Variants in CROCC2 observed in about 807,000 individuals in gnomAD.
The protein encoded by CROCC2 is ciliary rootlet coiled-coil protein 2.
Under a neutral mutation model 177.6 loss-of-function variants are expected in CROCC2, and 163 were observed. The observed-to-expected ratio is 0.92, with a 90% confidence interval of 0.81 to 1.05. The LOEUF is 1.05. Ranked by LOEUF, CROCC2 falls within the 50% of genes least tolerant of loss-of-function variation. The pLI, the probability that CROCC2 is intolerant of heterozygous loss-of-function variation, is 0.00. For synonymous variants in CROCC2, 904 were observed against 787.3 expected (o/e 1.15, Z -2.48); for missense variants, 1,929 against 1,797.8 (o/e 1.07, Z -1.32).
Position 240,917,568 on chromosome 2 carries a change from A to G in CROCC2, c.79-1158A>G, listed in dbSNP as rs1280015634. 6.6e-6 allele frequency among the ~76,000 whole-genome samples: 1 copy of G among 152,076 alleles called. No homozygotes were observed. ...TCAGGAGGAAAATCCAGGAGGCACA[A>G]GGTGGGGGAGCTGCCCTGCGGACCC... is the stretch of plus-strand genomic sequence containing the variant. On this transcript the variant is annotated intron_variant, in intron 1 of 31. Coordinates refer to ENST00000690015, the MANE Select transcript of CROCC2 (RefSeq NM_001351305.2). This position sits in a 1 kb window ranked among gnomAD's most constrained non-coding sequence, Gnocchi z 4.9.
chr2:240,933,950 T>A, intron 11 of CROCC2, 98 bp downstream of exon 11: 1 of 1,295,440 alleles, frequency 7.7e-7, no homozygotes, highest in South Asian at 1.4e-5. Context: ...GTCTGCTTTT[T>A]CACCTGTCTC....
Position 240,949,133 on chromosome 2 carries a change from A to G in CROCC2, c.2482+36A>G. 1 of 1,493,020 alleles carries G rather than the reference A, an allele frequency of 6.7e-7. No individual in the cohort carries two copies. The highest frequency in any genetic ancestry group is 8.9e-7 in the Non-Finnish European group (1 of 1,122,916). The allele number at this position is 1,493,020 out of a possible 1,614,324, so 92.5% of individuals were successfully genotyped here. On this transcript the variant is annotated intron_variant, in intron 16 of 31. Coordinates refer to ENST00000690015, the MANE Select transcript of CROCC2 (RefSeq NM_001351305.2). This position sits in a 1 kb window ranked among gnomAD's most constrained non-coding sequence, Gnocchi z 4.5. ...GGCGCTCCCTCAGCTCCTTCCCCGAAAGTCAGCCATGGAGGGGCCCCTGGA... is the reference window on the plus strand; with the variant it reads ...GGCGCTCCCTCAGCTCCTTCCCCGAGAGTCAGCCATGGAGGGGCCCCTGGA...
At chr2:240,939,134 A>G (rs537772787) in intron 14 of CROCC2, among the ~76,000 whole-genome samples, 1 of 152,266 alleles carries the variant, frequency 6.6e-6, no homozygotes, top group South Asian at 2.1e-4. Flanking sequence ...TGTTATCTGT[A>G]GGCTTTTCAT....
rs1370089775 is a variant in CROCC2 at position 240,959,352 on chromosome 2, G to A, written c.2995G>A (p.Glu999Lys). The A allele has an allele frequency of 5.2e-6, 8 of 1,550,504 alleles. No homozygotes were observed. The Admixed American group carries it at 1.6e-4, about 30-fold the overall frequency. The change falls in exon 20 of 32, where the codon GAG (glutamate) becomes AAG (lysine). Residue 999 changes from glutamate (E) to lysine (K), a missense_variant. By Grantham distance (56) the Glu-to-Lys change is moderately conservative (BLOSUM62 1). Coordinates refer to ENST00000690015, the MANE Select transcript of CROCC2 (RefSeq NM_001351305.2). ...GCTGAAGGCCCTCCAGGCCCAGTTT[G>A]AGGATGCCATCACAGCCCATCAGAG... Reference protein sequence around the residue: ...EELKALQAQFEDAITAHQRET... With the variant: ...EELKALQAQFKDAITAHQRET...
chr2:240,961,965 C>T (rs1438834974), intron 20 of CROCC2, among the ~76,000 whole-genome samples: 4 of 149,936 alleles, frequency 2.7e-5, no homozygotes, highest in South Asian at 2.2e-4. Flanking sequence ...ATGCACACCA[C>T]GTACAGAGAG....
At chr2:240,906,723 C>T (rs4076342) in intron 1 of CROCC2, 132 bp downstream of exon 1, 168,902 of 396,926 alleles carry the variant, frequency 0.43, 37,320 homozygotes, top group Admixed American at 0.48. Flanking sequence ...CACTTGCTCA[C>T]GTGTTTGCCT....
In CROCC2 at chr2:240,964,562, C is replaced by T. The variant is rs2059664460; in HGVS notation, c.3402C>T (p.His1134=). The T allele has an allele frequency of 3.9e-6, 6 of 1,549,492 alleles. 1 individual carries two copies. In the Admixed American group the frequency reaches 1.2e-4, roughly 30 times the overall value. Residue 1134 remains histidine (H), a synonymous_variant, in exon 22 of 32, where the codon CAC becomes CAT. Coordinates refer to ENST00000690015, the MANE Select transcript of CROCC2 (RefSeq NM_001351305.2). The stretch of plus-strand genomic sequence containing the variant: ...AGGAGGCCAGTGCACTGCGGGCCCA[C>T]CTGTGGGAGCTGGAGCAGGCAGGGG... The part of the protein sequence containing the change: ...LQQEASALRA[H]LWELEQAGGD...
intron 27 of CROCC2, among the ~76,000 whole-genome samples, chr2:240,971,000 C>A (rs930908716): frequency 6.6e-6 from 1 of 152,196 alleles, no homozygotes; most frequent in African/African-American, 2.4e-5. Context: ...CTCATCCCAG[C>A]GTGGCGAGTC....
rs769968669 is a variant in CROCC2, at chr2:240,949,139, G to T, written c.2482+42G>T. ...CCCTCAGCTCCTTCCCCGAAAGTCA[G>T]CCATGGAGGGGCCCCTGGAATGGAG... On this transcript the variant is annotated intron_variant, in intron 16 of 31. Coordinates refer to ENST00000690015, the MANE Select transcript of CROCC2 (RefSeq NM_001351305.2). This position sits in a 1 kb window ranked among gnomAD's most constrained non-coding sequence, Gnocchi z 4.5. The T allele has an allele frequency of 3.0e-5, 44 of 1,485,212 alleles. No individual in the cohort carries two copies. Among genetic ancestry groups the T allele is most frequent in the Non-Finnish European group, 3.6e-5 (40 of 1,119,632 alleles). 92.0% of individuals were successfully genotyped at this position (1,485,212 alleles called of 1,614,324 possible). A position where few individuals can be genotyped will look rare whatever the true frequency, so the allele number is the denominator to read the frequency against.
chr2:240,950,599 C>A, intron 18 of CROCC2, 89 bp downstream of exon 18: 1 of 1,389,572 alleles, frequency 7.2e-7, no homozygotes, highest in Non-Finnish European at 9.6e-7. Flanking sequence ...TGTGGCCACA[C>A]CTTAGGCAGG....
intron 14 of CROCC2, among the ~76,000 whole-genome samples, chr2:240,941,550 G>A (rs1483508065): frequency 6.6e-6 from 1 of 152,104 alleles, no homozygotes; most frequent in Admixed American, 6.5e-5. Flanking sequence ...ACTGATGTTC[G>A]ACAAAACAAT....
intron 27 of CROCC2, among the ~76,000 whole-genome samples, chr2:240,968,640 C>G (rs1167212593): frequency 2.6e-5 from 4 of 152,232 alleles, no homozygotes; most frequent in Admixed American, 2.6e-4. Context: ...TGGGGCGGCC[C>G]TGGCCCAGCC....
In CROCC2 at chr2:240,956,716, AG is replaced by A. The variant is rs142552130; in HGVS notation, c.2943+748del. ...TCTGGAGAGGAGGGCTCTGGGGAGC[AG>A]GGGAGGAGGACTCTGAGGCCTGTGC... On this transcript the variant is annotated intron_variant, in intron 19 of 31. Transcript: ENST00000690015. 6.7e-3 allele frequency among the ~76,000 whole-genome samples: 1,021 copies of A among 152,254 alleles called. 3 individuals carry two copies. Among genetic ancestry groups the A allele is most frequent in the Non-Finnish European group, 0.01 (703 of 67,990 alleles).
intron 27 of CROCC2, among the ~76,000 whole-genome samples, chr2:240,975,905 A>G (rs1018998747): frequency 1.3e-5 from 2 of 151,388 alleles, no homozygotes; most frequent in Non-Finnish European, 2.9e-5. Context: ...AATTTTTTGT[A>G]TTTTTAGTAG....
Position 240,960,604 on chromosome 2 carries a change from G to A in CROCC2, c.3087+1160G>A, listed in dbSNP as rs2059624973. On this transcript the variant is annotated intron_variant, in intron 20 of 31. Transcript: ENST00000690015. This position sits in a 1 kb window ranked among gnomAD's most constrained non-coding sequence, Gnocchi z 5.0. ...CCCCAGCGGGGCCCACGGGGACGGG[G>A]CGACCTCGCACACTCCCTGGGCTGC... Among the ~76,000 whole-genome samples the A allele has an allele frequency of 6.6e-6, 1 of 152,148 alleles. No individual in the cohort carries two copies. The highest frequency in any genetic ancestry group is 2.1e-4 in the South Asian group (1 of 4,834).
chr2:240,961,821 A>ATACACT (rs1425144695), intron 20 of CROCC2, among the ~76,000 whole-genome samples: 2 of 38,110 alleles, frequency 5.2e-5, no homozygotes, highest in African/African-American at 3.2e-4. Flanking sequence ...ATACACTCAC[A>ATACACT]CACACGCACG....
rs1294001750 is a variant in CROCC2, at chr2:240,925,752, C to T, written c.517C>T (p.Leu173Phe). 11 of 716,726 alleles carry T rather than the reference C, an allele frequency of 1.5e-5. No individual in the cohort carries two copies. The highest frequency in any genetic ancestry group is 2.1e-5 in the Non-Finnish European group (8 of 384,838). The allele number at this position is 716,726 out of a possible 1,614,324, so 44.4% of individuals were successfully genotyped here. A position where few individuals can be genotyped will look rare whatever the true frequency, so the allele number is the denominator to read the frequency against. Residue 173 changes from leucine (L) to phenylalanine (F), a missense_variant, in exon 5 of 32, where the codon CTC becomes TTC. Leu to Phe is a conservative substitution (Grantham distance 22, BLOSUM62 0). Coordinates refer to ENST00000690015, the MANE Select transcript of CROCC2 (RefSeq NM_001351305.2). ...CACCGGCCTCTGTCAGGTGAACGCG[C>T]TCCTGCGGGAGCAGCTGGAACATAT... ...RSTGLCQVNA[L>F]LREQLEHMKK...
intron 4 of CROCC2, among the ~76,000 whole-genome samples, chr2:240,923,241 G>A (rs2059368661): frequency 6.6e-6 from 1 of 151,012 alleles, no homozygotes; most frequent in Non-Finnish European, 1.5e-5. Context: ...TGAATGACAG[G>A]GAGAGAGTGG....
intron 1 of CROCC2, among the ~76,000 whole-genome samples, chr2:240,914,910 T>C (rs1049758418): frequency 6.6e-6 from 1 of 152,240 alleles, no homozygotes; most frequent in African/African-American, 2.4e-5. Context: ...CCAAGTCTTC[T>C]GACCCCTGAC....
Sources: allele counts gnomAD v4.1 joint callset (sites outside exome capture counted in the v4.1 genomes callset), GRCh38; gene constraint gnomAD v4.1.1; non-coding constraint Gnocchi (gnomAD v3.1); transcripts MANE v1.5; gene names NCBI Gene and HGNC (gene_info 2026-07-23, HGNC 2026-07-21).